Variants in STARD9 observed in about 807,000 individuals in gnomAD.
STARD9 encodes stAR-related lipid transfer protein 9.
Under a neutral mutation model 399.8 loss-of-function variants are expected in STARD9, and 346 were observed. The ratio of observed to expected loss-of-function variants is 0.87; its 90% CI spans 0.79 to 0.95. The LOEUF (loss-of-function observed/expected upper bound fraction) is 0.95. Among genes scored for constraint, STARD9 ranks in the 40% least tolerant of loss-of-function variants. The pLI, the probability that STARD9 is intolerant of heterozygous loss-of-function variation, is 0.00. For synonymous variants in STARD9, 2,203 were observed against 2,143.5 expected, an observed-to-expected ratio of 1.03 and a Z score of -0.77; for missense variants, 5,832 against 5,667.5, an observed-to-expected ratio of 1.03 and a Z score of -0.93.
chr15:42,708,026 A>G (rs1230030874), intron 26 of STARD9, among the ~76,000 whole-genome samples: 1 of 150,142 alleles, frequency 6.7e-6, no homozygotes, highest in African/African-American at 2.5e-5. Context: ...GGTGCTGCAC[A>G]CCTGTAGTCC....
intron 3 of STARD9, among the ~76,000 whole-genome samples, chr15:42,586,403 T>A (rs1160221655): frequency 6.6e-6 from 1 of 152,208 alleles, no homozygotes; most frequent in Admixed American, 6.5e-5. Flanking sequence ...TGGTTCTGCT[T>A]AGCTCTCGGT....
chr15:42,650,573 C>T (rs1214976901), intron 7 of STARD9, among the ~76,000 whole-genome samples: 2 of 152,200 alleles, frequency 1.3e-5, no homozygotes, highest in African/African-American at 2.4e-5. Flanking sequence ...TGTAGTGTAA[C>T]TTACCATGAT....
chr15:42,691,978 G>C lies in STARD9; in HGVS notation c.10400G>C (p.Ser3467Thr). Residue 3467 changes from serine (S) to threonine (T), a missense_variant, in exon 23 of 33, where the codon AGT (serine) becomes ACT (threonine). Physicochemically the swap from Ser to Thr is moderately conservative, Grantham distance 58. This residue lies in a region of STARD9 where 5,828 missense variants were observed against 5,651.1 expected (regional missense o/e 1.03). Coordinates refer to ENST00000290607, the MANE Select transcript of STARD9 (RefSeq NM_020759.3). ...CTGCACTTTGGCTCCAGTGACATCA[G>C]TCCCTATGCGCTGCCGTGGCGTCCG... ...GMLHFGSSDI[S>T]PYALPWRPEE... 1 of 1,537,276 alleles carries C rather than the reference G, an allele frequency of 6.5e-7. No homozygotes were observed. The highest frequency in any genetic ancestry group is 8.7e-7 in the Non-Finnish European group (1 of 1,146,914).
intron 21 of STARD9, 62 bp from the exon 22 acceptor site, chr15:42,682,042 C>A: frequency 2.6e-6 from 3 of 1,145,060 alleles, no homozygotes; most frequent in South Asian, 1.5e-5. Flanking sequence ...GTATCTGAGT[C>A]CAGGCAGCCA....
chr15:42,708,594 C>T (rs2061139946), intron 26 of STARD9, among the ~76,000 whole-genome samples: 1 of 152,006 alleles, frequency 6.6e-6, no homozygotes, highest in Non-Finnish European at 1.5e-5. Flanking sequence ...TTTCTTTTTC[C>T]TATTGTGATA....
At chr15:42,624,629 A>C (rs1393413770) in intron 3 of STARD9, among the ~76,000 whole-genome samples, 1 of 151,694 alleles carries the variant, frequency 6.6e-6, no homozygotes, top group Non-Finnish European at 1.5e-5. Flanking sequence ...GCTCGCTGCA[A>C]CCTCCGCCTC....
chr15:42,687,280 G>A lies in STARD9; in HGVS notation c.5702G>A (p.Ser1901Asn). ...AQSCCGASSD[S>N]TESGKSLLFR... ...TCCTGTTGCGGTGCTTCCTCAGACA[G>A]CACTGAGTCTGGGAAGTCTCTCCTC... The change falls in exon 23 of 33, where the codon AGC (serine) becomes AAC (asparagine). Residue 1901 changes from serine (S) to asparagine (N), a missense_variant. By Grantham distance (46) the Ser-to-Asn change is conservative. This residue lies in a region of STARD9 where 5,828 missense variants were observed against 5,651.1 expected (regional missense o/e 1.03). Coordinates refer to ENST00000290607, the MANE Select transcript of STARD9 (RefSeq NM_020759.3). 1 of 1,536,870 alleles carries A rather than the reference G, an allele frequency of 6.5e-7. No homozygotes were observed. Among genetic ancestry groups the A allele is most frequent in the Non-Finnish European group, 8.7e-7 (1 of 1,146,896 alleles).
rs1286465833 is a variant in STARD9, at chr15:42,663,391, C to T, written c.979C>T (p.Pro327Ser). The T allele has an allele frequency of 1.0e-5, 16 of 1,537,154 alleles. No homozygotes were observed. Among genetic ancestry groups the T allele is most frequent in the South Asian group, 5.9e-5 (5 of 84,072 alleles). The change falls in exon 12 of 33, where the codon CCC (proline) becomes TCC (serine). Residue 327 changes from proline to serine, a missense_variant. Coordinates refer to ENST00000290607, the MANE Select transcript of STARD9 (RefSeq NM_020759.3). ...SPSGTSSGGAPSRRQSYIPYR... is the reference protein window; with the variant it reads ...SPSGTSSGGASSRRQSYIPYR... Reference sequence around the variant, plus strand: ...TTCTGGGACCAGCAGTGGAGGGGCACCCTCCCGAAGGCAGTCTTATATCCC... The same window carrying T: ...TTCTGGGACCAGCAGTGGAGGGGCATCCTCCCGAAGGCAGTCTTATATCCC...
At chr15:42,582,239 G>A (rs2058188319) in intron 1 of STARD9, among the ~76,000 whole-genome samples, 1 of 152,210 alleles carries the variant, frequency 6.6e-6, no homozygotes, top group Admixed American at 6.5e-5. Flanking sequence ...CCTGAGGAAG[G>A]ATAAAAAATA....
In STARD9 at chr15:42,687,354, G is replaced by A. The variant is rs1451571289; in HGVS notation, c.5776G>A (p.Val1926Ile). ...REEEELDQNT[V>I]LRQTINVSLE... The stretch of plus-strand genomic sequence containing the variant: ...GGAAGAAGAGCTGGATCAGAATACG[G>A]TTCTGAGGCAGACCATCAATGTAAG... The change falls in exon 23 of 33, where the codon GTT becomes ATT. Residue 1926 changes from valine (V) to isoleucine (I), a missense_variant. Physicochemically the swap from Val to Ile is conservative, Grantham distance 29. Coordinates refer to ENST00000290607, the MANE Select transcript of STARD9 (RefSeq NM_020759.3). The A allele has an allele frequency of 6.5e-7, 1 of 1,536,740 alleles. No individual in the cohort carries two copies. Among genetic ancestry groups the A allele is most frequent in the South Asian group, 1.2e-5 (1 of 84,064 alleles).
chr15:42,631,540 A>G (rs1443836257), intron 3 of STARD9, among the ~76,000 whole-genome samples: 1 of 151,924 alleles, frequency 6.6e-6, no homozygotes, highest in Non-Finnish European at 1.5e-5. Context: ...AGATGACGCC[A>G]TTGTACTCTA....
In STARD9 at chr15:42,598,000, A is replaced by ATGTGTGTGTG. The variant is rs572054615; in HGVS notation, c.234+12395_234+12404dup. Among the ~76,000 whole-genome samples the ATGTGTGTGTG allele has an allele frequency of 9.5e-3, 1,096 of 115,128 alleles. 8 individuals are homozygous for ATGTGTGTGTG. The highest frequency in any genetic ancestry group is 0.018 in the South Asian group (58 of 3,180). 75.5% of individuals were successfully genotyped at this position (115,128 alleles called of 152,430 possible). On this transcript the variant is annotated intron_variant, in intron 3 of 32. Transcript: ENST00000290607. ...TGTGTGTGTGTGTTTGTATATATAT[A>ATGTGTGTGTG]TGTGTGTGTGTGTGTGTGTGTGTGT...
At chr15:42,591,551 A>T (rs1294564807) in intron 3 of STARD9, among the ~76,000 whole-genome samples, 1 of 151,988 alleles carries the variant, frequency 6.6e-6, no homozygotes, top group Admixed American at 6.6e-5. Flanking sequence ...TATGTTACAG[A>T]TCTGGCCATG....
At chr15:42,587,711 A>G (rs988789566) in intron 3 of STARD9, among the ~76,000 whole-genome samples, 1 of 152,154 alleles carries the variant, frequency 6.6e-6, no homozygotes, top group Non-Finnish European at 1.5e-5. Context: ...GATTACAGGC[A>G]TGTGCCACCA....
intron 2 of STARD9, among the ~76,000 whole-genome samples, chr15:42,583,703 A>G (rs577280935): frequency 6.6e-6 from 1 of 152,286 alleles, no homozygotes; most frequent in Admixed American, 6.5e-5. Context: ...TTTGGGGGCA[A>G]TAGTTAACTT....
At position 42,718,809 on chromosome 15, in the gene STARD9, A is replaced by G. The variant is rs1233336110; in HGVS notation, c.13900A>G (p.Ser4634Gly). Reference sequence around the variant, plus strand: ...GTATGATACATCCATGCCAAGACCCAGCAGAAAAATGGTTCGCGGGGAGAT... The same window carrying G: ...GTATGATACATCCATGCCAAGACCCGGCAGAAAAATGGTTCGCGGGGAGAT... ...SVYDTSMPRP[S>G]RKMVRGEILP... Residue 4634 changes from serine to glycine, a missense_variant, in exon 32 of 33, where the codon AGC becomes GGC. By Grantham distance (56) the Ser-to-Gly change is moderately conservative (BLOSUM62 0). Around this residue, in one of 2 missense-constraint regions of STARD9, gnomAD observed 5,828 missense variants for 5,651.1 expected, o/e 1.03. Transcript: ENST00000290607. 1 of 1,537,288 alleles carries G rather than the reference A, an allele frequency of 6.5e-7. No individual in the cohort carries two copies. The highest frequency in any genetic ancestry group is 2.0e-5 in the Admixed American group (1 of 51,004).
At position 42,717,994 on chromosome 15, in the gene STARD9, A is replaced by G. The variant is rs1159015656; in HGVS notation, c.13577A>G (p.Gln4526Arg). The change falls in exon 30 of 33, where the codon CAG becomes CGG. Residue 4526 changes from glutamine (Q) to arginine (R), a missense_variant. Gln to Arg is a conservative substitution (Grantham distance 43). Coordinates refer to ENST00000290607, the MANE Select transcript of STARD9 (RefSeq NM_020759.3). ...CCCCCCAGCTATCAGGGTGAGGAGC[A>G]GGCGGTGCAGCTTTACTACAAGGTG... is the stretch of plus-strand genomic sequence containing the variant. ...TAGWNYQGEE[Q>R]AVQLYYKVFS... The G allele has an allele frequency of 1.3e-6, 2 of 1,537,176 alleles. No homozygotes were observed. Among genetic ancestry groups the G allele is most frequent in the South Asian group, 2.4e-5 (2 of 84,056 alleles).
chr15:42,711,123 G>A (rs1288506696), intron 26 of STARD9, among the ~76,000 whole-genome samples: 7 of 150,656 alleles, frequency 4.6e-5, no homozygotes, highest in South Asian at 2.1e-4. Flanking sequence ...AATTACCATC[G>A]TAAGCTACCA....
Position 42,716,669 on chromosome 15 carries a change from T to C in STARD9, c.13285-8T>C. 1 of 1,523,834 alleles carries C rather than the reference T, an allele frequency of 6.6e-7. No individual in the cohort carries two copies. The highest frequency in any genetic ancestry group is 8.8e-7 in the Non-Finnish European group (1 of 1,134,676). The allele number at this position is 1,523,834 out of a possible 1,614,324, so 94.4% of individuals were successfully genotyped here. On this transcript the variant is annotated splice_region_variant and splice_polypyrimidine_tract_variant and intron_variant, in intron 26 of 32. Coordinates refer to ENST00000290607, the MANE Select transcript of STARD9 (RefSeq NM_020759.3). Reference sequence around the variant, plus strand: ...CTGGCTCTGTCCTGAGTATCCTCTCTTCTGCAGGGGCATACAAACTTGCCT... The same window carrying C: ...CTGGCTCTGTCCTGAGTATCCTCTCCTCTGCAGGGGCATACAAACTTGCCT...
Sources: allele counts gnomAD v4.1 joint callset (sites outside exome capture counted in the v4.1 genomes callset), GRCh38; gene constraint gnomAD v4.1.1; regional missense constraint gnomAD v4.1.1; transcripts MANE v1.5; gene names NCBI Gene and HGNC (gene_info 2026-07-23, HGNC 2026-07-21).